Variants in HDLBP observed in about 807,000 individuals in gnomAD.
HDLBP encodes the protein high density lipoprotein binding protein.
HDLBP carries 30 observed loss-of-function variants against 137.3 expected under a neutral mutation model. The ratio of observed to expected loss-of-function variants is 0.22; its 90% CI spans 0.16 to 0.30. HDLBP has a LOEUF of 0.30. HDLBP is among the 10% of genes least tolerant of loss of function. HDLBP has a pLI of 1.00. For synonymous variants in HDLBP, 606 were observed against 596.0 expected (o/e 1.02, Z -0.24); for missense variants, 1,119 against 1,667.3 (o/e 0.67, Z 5.73).
At chr2:241,313,642 A>C (rs763197146) in intron 1 of HDLBP, among the ~76,000 whole-genome samples, 1 of 152,188 alleles carries the variant, frequency 6.6e-6, no homozygotes, top group Admixed American at 6.5e-5. Context: ...AGCAATTTCC[A>C]GCAAATATTT....
rs745427451 is a variant in HDLBP at position 241,242,460 on chromosome 2, C to T, written c.2169G>A (p.Lys723=). The change falls in exon 17 of 28, where the codon AAG becomes AAA. Residue 723 remains lysine, a splice_region_variant and synonymous_variant. Coordinates refer to ENST00000310931, the MANE Select transcript of HDLBP (RefSeq NM_005336.6). ...AGTCACGCTCCCTCCCCATGCTCAC[C>T]TTCTCCTCCGCCAGATGCAGGAGCT... ...KKQLLHLAEE[K]QTKSFTVDIR... is the part of the protein sequence containing the mutation. 4.1e-5 allele frequency: 66 copies of T among 1,613,138 alleles called. No individual in the cohort carries two copies. Among genetic ancestry groups the T allele is most frequent in the Non-Finnish European group, 5.2e-5 (61 of 1,179,384 alleles).
intron 2 of HDLBP, chr2:241,267,778 G>A: frequency 6.7e-7 from 1 of 1,503,752 alleles, no homozygotes; most frequent in Non-Finnish European, 8.9e-7. Flanking sequence ...TGCGCTAAAT[G>A]CCCTTGATCC....
At chr2:241,293,565 T>C (rs995915168) in intron 1 of HDLBP, among the ~76,000 whole-genome samples, 5 of 149,330 alleles carry the variant, frequency 3.3e-5, no homozygotes, top group South Asian at 4.3e-4. Context: ...TGAGCCATGA[T>C]TGCACCACTG....
In HDLBP at chr2:241,304,908, G is replaced by T. The variant is rs560669389; in HGVS notation, c.-103+10662C>A. 1.4e-3 allele frequency among the ~76,000 whole-genome samples: 216 copies of T among 152,334 alleles called. 3 individuals are homozygous for T. The South Asian group carries it at 0.044, about 31-fold the overall frequency. On this transcript the variant is annotated intron_variant, in intron 1 of 27. Coordinates refer to ENST00000310931, the MANE Select transcript of HDLBP (RefSeq NM_005336.6). ...AAAAGAAGAAATAATTACAGATCTT[G>T]ATTTCCTGGGCCTGTCTCTTCTCCT...
rs184980070 is a variant in HDLBP at position 241,266,717 on chromosome 2, G to A, written c.76+77C>T. The A allele has an allele frequency of 3.1e-6, 3 of 963,260 alleles. No individual in the cohort carries two copies. The African/African-American group carries it at 4.8e-5, about 15-fold the overall frequency. 59.7% of individuals were successfully genotyped at this position (963,260 alleles called of 1,614,324 possible). ...GGGCCAAAAGGTACTTCTAGAAAGG[G>A]CATGGGATTTGGTAAAGGCTTTAGA... On this transcript the variant is annotated intron_variant, in intron 3 of 27. Transcript: ENST00000310931.
Position 241,238,558 on chromosome 2 carries a change from G to T in HDLBP, c.2749+91C>A, listed in dbSNP as rs1013140915. On this transcript the variant is annotated intron_variant, in intron 20 of 27. Transcript: ENST00000310931. This position sits in a 1 kb window ranked among gnomAD's most constrained non-coding sequence, Gnocchi z 4.9. The stretch of plus-strand genomic sequence containing the variant: ...ATAGATGGTTTTCCAGCAGAGACAG[G>T]AAAGAGCCTCACCAGTATGTGCGAC... The T allele has an allele frequency of 2.5e-5, 26 of 1,047,584 alleles. No homozygotes were observed. Among genetic ancestry groups the T allele is most frequent in the Non-Finnish European group, 3.2e-5 (24 of 752,018 alleles). The allele number at this position is 1,047,584 out of a possible 1,614,324, so 64.9% of individuals were successfully genotyped here.
Position 241,233,991 on chromosome 2 carries a change from CAA to C in HDLBP, c.3145-30_3145-29del. On this transcript the variant is annotated intron_variant, in intron 23 of 27. Transcript: ENST00000310931. The surrounding 1 kb of genome is among the most constrained non-coding windows in gnomAD (Gnocchi z 4.3). ...ACAAATGAAAGGAGCAAGAATGAGG[CAA>C]AGATTGAGCTGATCCACCCTGTGAC... 6.2e-7 allele frequency: 1 copy of C among 1,613,550 alleles called. No homozygotes were observed. The highest frequency in any genetic ancestry group is 1.1e-5 in the South Asian group (1 of 91,020).
chr2:241,276,609 A>G (rs569981510), intron 1 of HDLBP, among the ~76,000 whole-genome samples: 1 of 152,290 alleles, frequency 6.6e-6, no homozygotes, highest in South Asian at 2.1e-4. Flanking sequence ...ATATAGGCTG[A>G]AATAAAGAGA....
chr2:241,279,788 C>A (rs977417941), intron 1 of HDLBP, among the ~76,000 whole-genome samples: 8 of 152,196 alleles, frequency 5.3e-5, no homozygotes, highest in African/African-American at 1.7e-4. Context: ...AAAAGCTTTC[C>A]TGGGCAAAAG....
chr2:241,302,251 G>C (rs1367303459), intron 1 of HDLBP, among the ~76,000 whole-genome samples: 1 of 151,984 alleles, frequency 6.6e-6, no homozygotes, highest in Admixed American at 6.6e-5. Flanking sequence ...GCAAGACCCT[G>C]TGTCAAACAA....
chr2:241,291,557 G>T lies in HDLBP; in HGVS notation c.-102-23016C>A, dbSNP rs146603610. ...GCATCCTAAACACTGATAAAGGAAA[G>T]AAATCATTCATTTCTTCTTTCTCCC... On this transcript the variant is annotated intron_variant, in intron 1 of 27. Coordinates refer to ENST00000310931, the MANE Select transcript of HDLBP (RefSeq NM_005336.6). 7.9e-3 allele frequency among the ~76,000 whole-genome samples: 1,205 copies of T among 152,260 alleles called. 15 individuals are homozygous for T. The highest frequency in any genetic ancestry group is 0.027 in the African/African-American group (1,130 of 41,544).
At chr2:241,257,526 T>A (rs113646248) in intron 5 of HDLBP, among the ~76,000 whole-genome samples, 1 of 152,010 alleles carries the variant, frequency 6.6e-6, no homozygotes, top group Non-Finnish European at 1.5e-5. Context: ...CCACTGCGCC[T>A]GGCCAAAAGA....
chr2:241,281,946 G>A (rs1231719405), intron 1 of HDLBP, among the ~76,000 whole-genome samples: 4 of 152,158 alleles, frequency 2.6e-5, no homozygotes, highest in Non-Finnish European at 5.9e-5. Flanking sequence ...AAACTGACAA[G>A]GGAGTTTTTC....
At position 241,235,203 on chromosome 2, in the gene HDLBP, G is replaced by C; in HGVS notation, c.3062C>G (p.Thr1021Arg). Reference protein sequence around the residue: ...PELQSDIIAITGLAANLDRAK... With the variant: ...PELQSDIIAIRGLAANLDRAK... ...CCGGTCCAAATTTGCAGCGAGGCCC[G>C]TGATGGCGATGATGTCAGACTGCAG... The change falls in exon 23 of 28, where the codon ACG becomes AGG. Residue 1021 changes from threonine (T) to arginine (R), a missense_variant. Physicochemically the swap from Thr to Arg is moderately conservative, Grantham distance 71 (BLOSUM62 -1). Around this residue, in one of 4 missense-constraint regions of HDLBP, gnomAD observed 618 missense variants for 816.7 expected, o/e 0.76. Transcript: ENST00000310931. 6 of 1,614,204 alleles carry C rather than the reference G, an allele frequency of 3.7e-6. No homozygotes were observed. Among genetic ancestry groups the C allele is most frequent in the Non-Finnish European group, 5.1e-6 (6 of 1,180,044 alleles).
intron 10 of HDLBP, 146 bp downstream of exon 10, chr2:241,253,247 T>A (rs2072341571): frequency 1.4e-6 from 1 of 712,348 alleles, no homozygotes; most frequent in Admixed American, 2.1e-5. Context: ...AGCTTCTGGT[T>A]GTTTCAGAAC....
chr2:241,293,455 G>T (rs190314799), intron 1 of HDLBP, among the ~76,000 whole-genome samples: 2 of 151,882 alleles, frequency 1.3e-5, no homozygotes, highest in African/African-American at 4.8e-5. Context: ...TTATAATCAC[G>T]CTACTGCACT....
chr2:241,303,051 A>C (rs752547848), intron 1 of HDLBP, among the ~76,000 whole-genome samples: 1 of 152,180 alleles, frequency 6.6e-6, no homozygotes, highest in Admixed American at 6.5e-5. Context: ...TCACACCGCA[A>C]AAGTTCCCTA....
In HDLBP at chr2:241,245,710, G is replaced by A. The variant is rs565319711; in HGVS notation, c.1950+1042C>T. Among the ~76,000 whole-genome samples, 252 of 152,280 alleles carry A rather than the reference G, an allele frequency of 1.7e-3. 2 individuals are homozygous for A. In the South Asian group the frequency reaches 0.024, roughly 14 times the overall value. The stretch of plus-strand genomic sequence containing the variant: ...CCAGCTACTTGGAAGGCTAAGGTGG[G>A]AGGACTGCTTGAGTCTGGAAAGCCA... On this transcript the variant is annotated intron_variant, in intron 16 of 27. Coordinates refer to ENST00000310931, the MANE Select transcript of HDLBP (RefSeq NM_005336.6).
chr2:241,246,620 G>T (rs2071703217), intron 16 of HDLBP, 132 bp downstream of exon 16: 2 of 867,060 alleles, frequency 2.3e-6, no homozygotes, highest in Admixed American at 4.7e-5. Context: ...CAGTAGCCTG[G>T]ATTGAAAGGT....
Sources: gnomAD v4.1 joint callset for allele counts (sites outside exome capture counted in the v4.1 genomes callset) on GRCh38, gnomAD v4.1.1 for gene constraint, gnomAD v4.1.1 regional missense constraint, Gnocchi (gnomAD v3.1) non-coding constraint, MANE v1.5 for transcripts, NCBI Gene and HGNC (gene_info 2026-07-23, HGNC 2026-07-21) for gene names.